MCU: variants seen among roughly 807,000 people sequenced by gnomAD.
The protein encoded by MCU is mitochondrial calcium uniporter.
A neutral mutation model predicts 45.2 loss-of-function variants in MCU; 12 were observed. That is an observed-to-expected ratio of 0.27 (90% confidence interval 0.17 to 0.43). MCU has a LOEUF of 0.43. Ranked by LOEUF, MCU falls within the 20% of genes least tolerant of loss-of-function variation. MCU has a pLI of 1.00. For synonymous variants in MCU, 160 were observed against 165.1 expected, an observed-to-expected ratio of 0.97 and a Z score of 0.24; for missense variants, 324 against 436.7, an observed-to-expected ratio of 0.74 and a Z score of 2.30.
chr10:72,810,406 G>A (rs911652311), intron 1 of MCU, among the ~76,000 whole-genome samples: 9 of 149,174 alleles, frequency 6.0e-5, no homozygotes, highest in Non-Finnish European at 1.3e-4. Flanking sequence ...ATATGTGAAA[G>A]CATTTAGTGA....
At chr10:72,767,553 G>T (rs1195587071) in intron 1 of MCU, among the ~76,000 whole-genome samples, 1 of 151,806 alleles carries the variant, frequency 6.6e-6, no homozygotes, top group East Asian at 1.9e-4. Flanking sequence ...TCACTATGTT[G>T]CTTGGGTTGG....
chr10:72,858,801 C>T (rs537579721), intron 2 of MCU, among the ~76,000 whole-genome samples: 2 of 152,268 alleles, frequency 1.3e-5, no homozygotes, highest in East Asian at 3.9e-4. Context: ...AGAGCCACGT[C>T]CTACAGGCTA....
intron 1 of MCU, among the ~76,000 whole-genome samples, chr10:72,786,537 G>A (rs955741082): frequency 6.6e-6 from 1 of 152,140 alleles, no homozygotes; most frequent in African/African-American, 2.4e-5. Flanking sequence ...GTGGAGGTCA[G>A]GAGTTCGAGA....
At chr10:72,860,934 A>G (rs532689369) in intron 4 of MCU, among the ~76,000 whole-genome samples, 77 of 152,292 alleles carry the variant, frequency 5.1e-4, no homozygotes, top group African/African-American at 1.8e-3. Context: ...AGCTTTTTTT[A>G]TGGCTCAAGG....
chr10:72,749,647 T>G (rs1843465351), intron 1 of MCU, among the ~76,000 whole-genome samples: 1 of 152,114 alleles, frequency 6.6e-6, no homozygotes, highest in Admixed American at 6.6e-5. Flanking sequence ...TGCAGTGCCT[T>G]TTGAGTGAAA....
intron 6 of MCU, among the ~76,000 whole-genome samples, chr10:72,882,276 AT>A (rs1172637033): frequency 6.6e-6 from 1 of 152,214 alleles, no homozygotes; most frequent in African/African-American, 2.4e-5. Context: ...TGTTTGAACA[AT>A]ATGAAATCTG....
chr10:72,885,350 G>A (rs934081036), intron 7 of MCU, among the ~76,000 whole-genome samples: 4 of 152,210 alleles, frequency 2.6e-5, no homozygotes, highest in African/African-American at 4.8e-5. Flanking sequence ...ACTTAAACAG[G>A]TACTGGATAA....
Position 72,753,883 on chromosome 10 carries a change from A to C in MCU, c.150+61582A>C, listed in dbSNP as rs75407987. Among the ~76,000 whole-genome samples the C allele has an allele frequency of 7.4e-4, 113 of 152,222 alleles. No individual in the cohort carries two copies. The East Asian group carries it at 0.02, about 27-fold the overall frequency. On this transcript the variant is annotated intron_variant, in intron 1 of 7. Coordinates refer to ENST00000373053, the MANE Select transcript of MCU (RefSeq NM_138357.3). Reference sequence around the variant, plus strand: ...GACAGAGCAAGAAGACTTTGTCCAAAAAAAACAAAAAAACAAAACACACAC... The same window carrying C: ...GACAGAGCAAGAAGACTTTGTCCAACAAAAACAAAAAAACAAAACACACAC...
At chr10:72,873,339 A>G (rs949654058) in intron 6 of MCU, among the ~76,000 whole-genome samples, 3 of 151,884 alleles carry the variant, frequency 2.0e-5, no homozygotes, top group Non-Finnish European at 2.9e-5. Flanking sequence ...TTTGATTTGT[A>G]TTCCCTGATG....
intron 1 of MCU, among the ~76,000 whole-genome samples, chr10:72,709,780 G>C (rs1842867124): frequency 6.6e-6 from 1 of 152,154 alleles, no homozygotes; most frequent in African/African-American, 2.4e-5. Flanking sequence ...AGTTGAGATA[G>C]TAAAACAGGA....
intron 1 of MCU, among the ~76,000 whole-genome samples, chr10:72,805,771 C>A (rs1177456875): frequency 6.6e-6 from 1 of 152,118 alleles, no homozygotes; most frequent in Non-Finnish European, 1.5e-5. Context: ...ACAGGCACTT[C>A]CTGCTTTCAT....
chr10:72,812,285 G>A (rs1305744877), intron 1 of MCU, among the ~76,000 whole-genome samples: 1 of 151,952 alleles, frequency 6.6e-6, no homozygotes, highest in African/African-American at 2.4e-5. Flanking sequence ...AGCTGGGATT[G>A]CAGACATCTG....
At chr10:72,707,712 C>A (rs898727851) in intron 1 of MCU, among the ~76,000 whole-genome samples, 1 of 151,632 alleles carries the variant, frequency 6.6e-6, no homozygotes, top group Non-Finnish European at 1.5e-5. Context: ...GGAACTGGAT[C>A]TGTTCCTCTT....
chr10:72,874,947 TA>T (rs1298476252), intron 6 of MCU, among the ~76,000 whole-genome samples: 1 of 152,218 alleles, frequency 6.6e-6, no homozygotes, highest in Non-Finnish European at 1.5e-5. Flanking sequence ...TCATTACTAT[TA>T]AGTACGTTTT....
chr10:72,828,033 GGT>G (rs1383954283), intron 1 of MCU, among the ~76,000 whole-genome samples: 1 of 152,164 alleles, frequency 6.6e-6, no homozygotes, highest in Non-Finnish European at 1.5e-5. Context: ...AGCTGTTATA[GGT>G]GTGTCTTGCA....
chr10:72,741,810 C>T (rs561053903), intron 1 of MCU, among the ~76,000 whole-genome samples: 2 of 152,168 alleles, frequency 1.3e-5, no homozygotes, highest in Non-Finnish European at 2.9e-5. Flanking sequence ...GGGTGGATCA[C>T]GACATCAGGA....
At chr10:72,779,132 G>A (rs1157997451) in intron 1 of MCU, among the ~76,000 whole-genome samples, 1 of 152,072 alleles carries the variant, frequency 6.6e-6, no homozygotes, top group Non-Finnish European at 1.5e-5. Flanking sequence ...ACCATGCCCA[G>A]CTAATTTTTG....
At chr10:72,723,151 G>C (rs1017653398) in intron 1 of MCU, among the ~76,000 whole-genome samples, 11 of 152,096 alleles carry the variant, frequency 7.2e-5, no homozygotes, top group Non-Finnish European at 1.3e-4. Flanking sequence ...AGCCGAGATT[G>C]GGCCACTGCA....
At chr10:72,800,287 C>T (rs1844318994) in intron 1 of MCU, among the ~76,000 whole-genome samples, 1 of 152,128 alleles carries the variant, frequency 6.6e-6, no homozygotes, top group Non-Finnish European at 1.5e-5. Flanking sequence ...ACTTTGTTTC[C>T]TGCCCACAGT....
Sources: allele counts gnomAD v4.1 joint callset (sites outside exome capture counted in the v4.1 genomes callset), GRCh38; gene constraint gnomAD v4.1.1; transcripts MANE v1.5; gene names NCBI Gene and HGNC (gene_info 2026-07-23, HGNC 2026-07-21).